The following CCDC47 variants were observed in gnomAD, a reference collection of about 807,000 sequenced individuals.
The protein encoded by CCDC47 is coiled-coil domain containing 47.
Under a neutral mutation model 60.5 loss-of-function variants are expected in CCDC47, and 41 were observed. The observed-to-expected ratio is 0.68, with a 90% confidence interval of 0.53 to 0.88. CCDC47 has a LOEUF of 0.88. CCDC47 is among the 40% of genes least tolerant of loss of function. The pLI is 0.00. For synonymous variants in CCDC47, 195 were observed against 190.7 expected, an observed-to-expected ratio of 1.02 and a Z score of -0.18; for missense variants, 513 against 580.9, an observed-to-expected ratio of 0.88 and a Z score of 1.20.
intron 9 of CCDC47, 71 bp downstream of exon 9, chr17:63,754,362 C>T (rs1339579567): frequency 1.1e-6 from 1 of 897,642 alleles, no homozygotes; most frequent in East Asian, 2.6e-5. Flanking sequence ...ATTGCAGAAG[C>T]ACCTTACAGG....
intron 9 of CCDC47, 41 bp from the exon 10 acceptor site, chr17:63,752,840 A>T (rs1222690908): frequency 8.1e-6 from 13 of 1,596,676 alleles, no homozygotes; most frequent in Non-Finnish European, 1.0e-5. Flanking sequence ...AATACAAGAA[A>T]GATGTTTTCC....
intron 4 of CCDC47, among the ~76,000 whole-genome samples, chr17:63,763,483 C>T (rs1267975036): frequency 2.6e-5 from 4 of 152,052 alleles, no homozygotes; most frequent in Admixed American, 6.6e-5. Context: ...TGTAATCATA[C>T]CACTGCACAC....
chr17:63,749,965 A>G (rs894894059), intron 12 of CCDC47, among the ~76,000 whole-genome samples: 1 of 152,060 alleles, frequency 6.6e-6, no homozygotes, highest in African/African-American at 2.4e-5. Flanking sequence ...AAAAATAAAA[A>G]TAAAAATAAA....
At chr17:63,757,956 G>A (rs2039220160) in intron 6 of CCDC47, among the ~76,000 whole-genome samples, 1 of 152,102 alleles carries the variant, frequency 6.6e-6, no homozygotes. Flanking sequence ...CCTTACCTCC[G>A]TGAAAGAGAG....
intron 9 of CCDC47, among the ~76,000 whole-genome samples, chr17:63,753,975 G>A (rs1256120381): frequency 2.0e-5 from 3 of 152,064 alleles, no homozygotes; most frequent in Non-Finnish European, 4.4e-5. Context: ...GCGTGGTGGT[G>A]CACGCCTGTA....
chr17:63,770,875 C>A (rs1270349318), intron 1 of CCDC47, among the ~76,000 whole-genome samples: 1 of 150,692 alleles, frequency 6.6e-6, no homozygotes, highest in East Asian at 1.9e-4. Flanking sequence ...GTAATCCCAG[C>A]TACTTGGGAG....
At chr17:63,756,714 T>C in intron 6 of CCDC47, 144 bp from the exon 7 acceptor site, 1 of 624,064 alleles carries the variant, frequency 1.6e-6, no homozygotes, top group Non-Finnish European at 2.8e-6. Context: ...TGATGGAATA[T>C]TACCCCCATA....
intron 9 of CCDC47, chr17:63,753,076 C>A: frequency 2.4e-6 from 1 of 413,312 alleles, no homozygotes; most frequent in Non-Finnish European, 3.3e-6. Context: ...ACCTGGGGAG[C>A]CAGAAATGAG....
rs969098921 is a variant in CCDC47, at chr17:63,747,064, C to T, written c.1372-103G>A. 9.4e-6 allele frequency: 14 copies of T among 1,483,600 alleles called. No individual in the cohort carries two copies. The African/African-American group carries it at 2.0e-4, about 21-fold the overall frequency. 91.9% of individuals were successfully genotyped at this position (1,483,600 alleles called of 1,614,324 possible). A position where few individuals can be genotyped will look rare whatever the true frequency, so the allele number is the denominator to read the frequency against. On this transcript the variant is annotated intron_variant, in intron 12 of 12. Transcript: ENST00000225726. ...AAAAAAAATCCAAATTAGAATACTG[C>T]CTATAGTATTATTCAAAAACTTAGG...
Position 63,760,977 on chromosome 17 carries a change from G to A in CCDC47, c.672C>T (p.Phe224=). Residue 224 remains phenylalanine, a splice_region_variant and synonymous_variant, in exon 6 of 13, where the codon TTC becomes TTT. Coordinates refer to ENST00000225726, the MANE Select transcript of CCDC47 (RefSeq NM_020198.3). ...CCEGMLIQLR[F]LKRQDLLNVL... is the part of the protein sequence containing the mutation. Reference sequence around the variant, plus strand: ...CATTCAGTAAGTCTTGTCTCTTGAGGAACTGAAAAAAATGAGAGAAGTAAG... The same window carrying A: ...CATTCAGTAAGTCTTGTCTCTTGAGAAACTGAAAAAAATGAGAGAAGTAAG... The A allele has an allele frequency of 6.2e-7, 1 of 1,612,862 alleles. No individual in the cohort carries two copies. Among genetic ancestry groups the A allele is most frequent in the Non-Finnish European group, 8.5e-7 (1 of 1,179,196 alleles).
chr17:63,761,081 C>T (rs775488042), intron 5 of CCDC47, 102 bp from the exon 6 acceptor site: 156 of 1,373,522 alleles, frequency 1.1e-4, no homozygotes, highest in African/African-American at 1.7e-4. Context: ...ATATACTTTA[C>T]GACACATTTG....
At position 63,752,879 on chromosome 17, in the gene CCDC47, A is replaced by G. The variant is rs537906067; in HGVS notation, c.1035-80T>C. On this transcript the variant is annotated intron_variant, in intron 9 of 12. Transcript: ENST00000225726. ...TACACAAGTCACCCAATACACTTAG[A>G]TGAACAGATACCTGCACATAATCAG... The G allele has an allele frequency of 2.1e-5, 33 of 1,547,206 alleles. No individual in the cohort carries two copies. In the East Asian group the frequency reaches 7.2e-4, roughly 34 times the overall value.
At chr17:63,765,706 A>G (rs1472847709) in intron 2 of CCDC47, 2 of 1,384,760 alleles carry the variant, frequency 1.4e-6, no homozygotes, top group East Asian at 5.4e-5. Flanking sequence ...CCCCTCTTCC[A>G]GTCAGGGTTT....
Position 63,766,044 on chromosome 17 carries a change from A to C in CCDC47, c.132T>G (p.Asp44Glu). Residue 44 changes from aspartate to glutamate, a missense_variant, in exon 2 of 13, where the codon GAT becomes GAG. By Grantham distance (45) the Asp-to-Glu change is conservative. Coordinates refer to ENST00000225726, the MANE Select transcript of CCDC47 (RefSeq NM_020198.3). ...ATTCAGTAACAGAGTCTTCCATGAC[A>C]TCCTCAAATTCAGCGAAGTCATTAT... ...YDDNDFAEFEDVMEDSVTESP... is the reference protein window; with the variant it reads ...YDDNDFAEFEEVMEDSVTESP... The C allele has an allele frequency of 6.2e-7, 1 of 1,614,080 alleles. No homozygotes were observed. Among genetic ancestry groups the C allele is most frequent in the Non-Finnish European group, 8.5e-7 (1 of 1,180,004 alleles).
intron 12 of CCDC47, among the ~76,000 whole-genome samples, chr17:63,749,215 T>C (rs2039143519): frequency 6.8e-6 from 1 of 147,856 alleles, no homozygotes; most frequent in African/African-American, 2.5e-5. Context: ...GAGACCAGCC[T>C]GACCAACATG....
In CCDC47 at chr17:63,754,525, A is replaced by C. The variant is rs1598306302; in HGVS notation, c.949-7T>G. The C allele has an allele frequency of 1.3e-6, 2 of 1,568,630 alleles. No homozygotes were observed. The highest frequency in any genetic ancestry group is 4.3e-4 in the Middle Eastern group (2 of 4,612). The stretch of plus-strand genomic sequence containing the variant: ...GTGTAAGAAAGTGAACCATCTGAAA[A>C]AAAGAAAATAATATTTTTTAAAAGC... On this transcript the variant is annotated splice_region_variant and splice_polypyrimidine_tract_variant and intron_variant, in intron 8 of 12. Coordinates refer to ENST00000225726, the MANE Select transcript of CCDC47 (RefSeq NM_020198.3).
At chr17:63,764,289 T>C in intron 3 of CCDC47, 99 bp from the exon 4 acceptor site, 1 of 842,452 alleles carries the variant, frequency 1.2e-6, no homozygotes, top group Non-Finnish European at 1.9e-6. Context: ...ACAGAAGGGA[T>C]ACTTCAGATA....
intron 1 of CCDC47, among the ~76,000 whole-genome samples, chr17:63,771,546 T>C (rs1426172183): frequency 6.6e-6 from 1 of 152,210 alleles, no homozygotes; most frequent in East Asian, 1.9e-4. Context: ...GATGTGTCTC[T>C]AAACATCCCT....
At chr17:63,759,981 T>C (rs1234219951) in intron 6 of CCDC47, among the ~76,000 whole-genome samples, 2 of 146,784 alleles carry the variant, frequency 1.4e-5, no homozygotes, top group South Asian at 2.1e-4. Flanking sequence ...GGAGAATTAC[T>C]TGAATCCAGG....
Sources: gnomAD v4.1 joint callset for allele counts (sites outside exome capture counted in the v4.1 genomes callset) on GRCh38, gnomAD v4.1.1 for gene constraint, MANE v1.5 for transcripts, NCBI Gene and HGNC (gene_info 2026-07-23, HGNC 2026-07-21) for gene names.